The following SLC23A3 variants were observed in gnomAD, a reference collection of about 807,000 sequenced individuals.
SLC23A3 encodes the protein E2-binding protein 3.
SLC23A3 carries 41 observed loss-of-function variants against 64.7 expected under a neutral mutation model. The observed-to-expected ratio is 0.63, with a 90% CI of 0.49 to 0.82. SLC23A3 has a LOEUF of 0.82. Ranked by LOEUF, SLC23A3 falls within the 40% of genes least tolerant of loss-of-function variation. SLC23A3 has a pLI of 0.00. For missense variants in SLC23A3, 647 were observed against 733.4 expected (o/e 0.88, Z 1.36); for synonymous variants, 281 against 306.8 (o/e 0.92, Z 0.88).
chr2:219,168,693 C>T lies in SLC23A3; in HGVS notation c.633G>A (p.Glu211=). The change falls in exon 5 of 12, where the codon GAG becomes GAA. Residue 211 remains glutamate, a synonymous_variant. Transcript: ENST00000409878. ...AGTGTGTGAAGCAGAACTGGGCTAC[C>T]TCCCTGTGGGCAGAGAGCCCTGCCA... is the stretch of plus-strand genomic sequence containing the variant. ...LVVAGLSAHR[E]VAQFCFTHWG... The T allele has an allele frequency of 6.2e-7, 1 of 1,613,908 alleles. No homozygotes were observed. The highest frequency in any genetic ancestry group is 1.1e-5 in the South Asian group (1 of 91,072).
intron 10 of SLC23A3, 32 bp from the exon 11 acceptor site, chr2:219,162,426 A>G (rs1559207838): frequency 1.9e-6 from 3 of 1,540,194 alleles, no homozygotes; most frequent in African/African-American, 1.4e-5. Context: ...CAGGAAGGGA[A>G]CTCTGATCCT....
In SLC23A3 at chr2:219,169,305, TCA is replaced by T; in HGVS notation, c.418+2_418+3del. 1 of 1,614,172 alleles carries T rather than the reference TCA, an allele frequency of 6.2e-7. No homozygotes were observed. The highest frequency in any genetic ancestry group is 8.5e-7 in the Non-Finnish European group (1 of 1,180,014). On this transcript the variant is annotated splice_donor_variant and splice_donor_region_variant and intron_variant, in intron 3 of 11. Transcript: ENST00000409878. LOFTEE classifies it high-confidence loss of function. The surrounding 1 kb of genome is among the most constrained non-coding windows in gnomAD (Gnocchi z 4.5). ...CTTACCCCTTGCCCTTGCTCTGTGC[TCA>T]CAGTTTCCAGGTGTCTGGATGGCCC...
intron 5 of SLC23A3, 120 bp from the exon 6 acceptor site, chr2:219,168,438 T>C (rs1190246861): frequency 1.6e-6 from 2 of 1,287,408 alleles, no homozygotes; most frequent in South Asian, 1.6e-5. Context: ...GAAACTCCCA[T>C]GGAAGGAATA....
intron 4 of SLC23A3, 47 bp downstream of exon 4, chr2:219,168,982 C>T (rs760615354): frequency 1.9e-6 from 3 of 1,590,618 alleles, no homozygotes; most frequent in South Asian, 1.1e-5. Context: ...AAGAGCCCCC[C>T]CCAAGCCTGG....
intron 5 of SLC23A3, 97 bp from the exon 6 acceptor site, chr2:219,168,415 G>T: frequency 7.2e-7 from 1 of 1,382,410 alleles, no homozygotes; most frequent in Non-Finnish European, 9.7e-7. Flanking sequence ...AGCGGGGGGT[G>T]ATACCAGAGA....
chr2:219,163,525 A>G lies in SLC23A3; in HGVS notation c.1304T>C (p.Val435Ala), dbSNP rs1674095702. Reference protein sequence around the residue: ...GGVLGVTQAVVLSAGFSSFYL... With the variant: ...GGVLGVTQAVALSAGFSSFYL... Reference sequence around the variant, plus strand: ...GAAGCTGGAGAATCCAGCAGACAAAACCACAGCCTGGGTCACCCCCAGCAC... The same window carrying G: ...GAAGCTGGAGAATCCAGCAGACAAAGCCACAGCCTGGGTCACCCCCAGCAC... Residue 435 changes from valine (V) to alanine (A), a missense_variant, in exon 10 of 12, where the codon GTT becomes GCT. By Grantham distance (64) the Val-to-Ala change is moderately conservative. Transcript: ENST00000409878. The G allele has an allele frequency of 1.2e-6, 2 of 1,613,860 alleles. No homozygotes were observed. The highest frequency in any genetic ancestry group is 2.7e-5 in the African/African-American group (2 of 74,858).
Position 219,164,115 on chromosome 2 carries a change from C to T in SLC23A3, c.1273+118G>A. 5.9e-6 allele frequency: 4 copies of T among 672,636 alleles called. No individual in the cohort carries two copies. The South Asian group carries it at 7.4e-5, about 12-fold the overall frequency. The allele number at this position is 672,636 out of a possible 1,614,324, so 41.7% of individuals were successfully genotyped here. On this transcript the variant is annotated intron_variant, in intron 9 of 11. Transcript: ENST00000409878. ...GCTCATATCCATCCATCCATCCATCCATCCACCCATCCATCCAGGAAAGCT... is the reference window on the plus strand; with the variant it reads ...GCTCATATCCATCCATCCATCCATCTATCCACCCATCCATCCAGGAAAGCT...
intron 7 of SLC23A3, among the ~76,000 whole-genome samples, chr2:219,167,685 G>C (rs1159173277): frequency 6.6e-6 from 1 of 151,390 alleles, no homozygotes; most frequent in Admixed American, 6.6e-5. Flanking sequence ...GAGGTTGCGT[G>C]AGCCATGATC....
At position 219,163,424 on chromosome 2, in the gene SLC23A3, T is replaced by G. The variant is rs1949969658; in HGVS notation, c.1405A>C (p.Arg469=). Residue 469 remains arginine (R), a synonymous_variant, in exon 10 of 12, where the codon AGA becomes CGA. Transcript: ENST00000409878. The stretch of plus-strand genomic sequence containing the variant: ...AGGACTGGGGCTTCCCGAAACCATC[T>G]TGGCAGCAGCAAGGCCATGAAGATG... ...FSIFMALLLP[R]WFREAPVLFS... The G allele has an allele frequency of 6.2e-7, 1 of 1,614,080 alleles. No individual in the cohort carries two copies. The highest frequency in any genetic ancestry group is 1.3e-5 in the African/African-American group (1 of 74,924).
At chr2:219,164,580 G>A (rs929379614) in intron 8 of SLC23A3, 1 of 437,082 alleles carries the variant, frequency 2.3e-6, no homozygotes, top group African/African-American at 2.1e-5. Flanking sequence ...AATTTTTTGA[G>A]ATGGAGTCTC....
intron 10 of SLC23A3, among the ~76,000 whole-genome samples, chr2:219,163,076 C>T (rs1366784123): frequency 1.3e-5 from 2 of 152,222 alleles, no homozygotes; most frequent in African/African-American, 4.8e-5. Flanking sequence ...AACTTACCAT[C>T]CTTCAAGACC....
intron 9 of SLC23A3, among the ~76,000 whole-genome samples, chr2:219,163,999 G>A (rs1266025422): frequency 1.3e-5 from 2 of 152,334 alleles, no homozygotes; most frequent in East Asian, 1.9e-4. Context: ...ACCACGCCCA[G>A]CCTGAGGCTG....
At chr2:219,165,446 T>C (rs532112585) in intron 7 of SLC23A3, 24 bp from the exon 8 acceptor site, 87 of 1,537,318 alleles carry the variant, frequency 5.7e-5, no homozygotes, top group Non-Finnish European at 7.2e-5. Context: ...AGAAGCCACT[T>C]TGGGGCCAGA....
Position 219,169,148 on chromosome 2 carries a change from G to C in SLC23A3, c.419-46C>G. ...GGAGAAGAGAAGGGTGAATGGAATG[G>C]AGACCCATTGCTCTACAGTCCCACT... On this transcript the variant is annotated intron_variant, in intron 3 of 11. Coordinates refer to ENST00000409878, the MANE Select transcript of SLC23A3 (RefSeq NM_001144889.2). This position sits in a 1 kb window ranked among gnomAD's most constrained non-coding sequence, Gnocchi z 4.5. 4 of 1,602,952 alleles carry C rather than the reference G, an allele frequency of 2.5e-6. No homozygotes were observed. Among genetic ancestry groups the C allele is most frequent in the Non-Finnish European group, 3.4e-6 (4 of 1,170,032 alleles).
rs763600453 is a variant in SLC23A3 at position 219,164,213 on chromosome 2, CTGTTGATACA to C, written c.1273+10_1273+19del. 1 of 1,544,162 alleles carries C rather than the reference CTGTTGATACA, an allele frequency of 6.5e-7. No individual in the cohort carries two copies. Among genetic ancestry groups the C allele is most frequent in the Non-Finnish European group, 8.9e-7 (1 of 1,123,868 alleles). ...GGGGAGTAGCAGTTCAATACCAGCCCTGTTGATACATCCACTCACCAACAACAGGCAGTGG... is the reference window on the plus strand; with the variant it reads ...GGGGAGTAGCAGTTCAATACCAGCCCTCCACTCACCAACAACAGGCAGTGG... On this transcript the variant is annotated intron_variant, in intron 9 of 11. Coordinates refer to ENST00000409878, the MANE Select transcript of SLC23A3 (RefSeq NM_001144889.2).
Position 219,162,347 on chromosome 2 carries a change from T to C in SLC23A3, c.1489A>G (p.Ile497Val), listed in dbSNP as rs1425006277. The change falls in exon 11 of 12, where the codon ATC becomes GTC. Residue 497 changes from isoleucine (I) to valine (V), a missense_variant. Transcript: ENST00000409878. ...VLLHSLLTQP[I>V]FLAGLSGFLL... ...AAGCCTGAGAGTCCAGCCAGGAAGA[T>C]GGGCTGTGTCAGCAGTGAGTGCAGT... The C allele has an allele frequency of 7.4e-6, 12 of 1,613,984 alleles. No homozygotes were observed. The highest frequency in any genetic ancestry group is 1.0e-5 in the Non-Finnish European group (12 of 1,180,026).
At chr2:219,163,893 G>C (rs1025303947) in intron 9 of SLC23A3, among the ~76,000 whole-genome samples, 1 of 151,776 alleles carries the variant, frequency 6.6e-6, no homozygotes, top group Non-Finnish European at 1.5e-5. Context: ...GTAGAGACAG[G>C]GTTTCATCAT....
At position 219,161,961 on chromosome 2, in the gene SLC23A3, G is replaced by A. The variant is rs781520381; in HGVS notation, c.1781C>T (p.Ser594Leu). The change falls in exon 12 of 12, where the codon TCA (serine) becomes TTA (leucine). Residue 594 changes from serine to leucine, a missense_variant. Transcript: ENST00000409878. ...GCTAGATTCAGGGCATGGCTCCCCT[G>A]AGCCAGGCAGCAAGTCTGCCATCTC... is the stretch of plus-strand genomic sequence containing the variant. Reference protein sequence around the residue: ...PEEMADLLPGSGEPCPESSRE... With the variant: ...PEEMADLLPGLGEPCPESSRE... The A allele has an allele frequency of 1.6e-5, 25 of 1,609,096 alleles. 1 individual carries two copies. Among genetic ancestry groups the A allele is most frequent in the Middle Eastern group, 1.7e-4 (1 of 6,060 alleles).
In SLC23A3 at chr2:219,168,833, C is replaced by A; in HGVS notation, c.493G>T (p.Val165Leu). Residue 165 changes from valine to leucine, a missense_variant and splice_region_variant, in exon 5 of 12, where the codon GTG becomes TTG. Physicochemically the swap from Val to Leu is conservative, Grantham distance 32. Transcript: ENST00000409878. The stretch of plus-strand genomic sequence containing the variant: ...CCAGATACTACCACTGCCCCGGACA[C>A]CTGGTAGAAGAGAGGAGAGGATGGA... ...LGHWNTSLQE[V>L]SGAVVVSGLL... 6.3e-7 allele frequency: 1 copy of A among 1,581,808 alleles called. No individual in the cohort carries two copies. The highest frequency in any genetic ancestry group is 1.3e-5 in the African/African-American group (1 of 74,080).
Sources: gnomAD v4.1 joint callset for allele counts (sites outside exome capture counted in the v4.1 genomes callset) on GRCh38, gnomAD v4.1.1 for gene constraint, Gnocchi (gnomAD v3.1) non-coding constraint, MANE v1.5 for transcripts, NCBI Gene and HGNC (gene_info 2026-07-23, HGNC 2026-07-21) for gene names.